The following SHISA9 variants were observed in gnomAD, a reference collection of about 807,000 sequenced individuals.
The protein encoded by SHISA9 is shisa family member 9.
In SHISA9, 13 loss-of-function variants were observed where a neutral mutation model predicts 38.0. That is an observed-to-expected ratio of 0.34 (90% CI 0.22 to 0.54). The LOEUF (loss-of-function observed/expected upper bound fraction) is 0.54, where lower values mean the gene tolerates loss of function less well. Ranked by LOEUF, SHISA9 falls within the 20% of genes least tolerant of loss-of-function variation. SHISA9 has a pLI of 0.91. For missense variants in SHISA9, 538 were observed against 575.8 expected, an observed-to-expected ratio of 0.93 and a Z score of 0.67; for synonymous variants, 275 against 242.0, an observed-to-expected ratio of 1.14 and a Z score of -1.27.
the SHISA9 span, among the ~76,000 whole-genome samples, chr16:13,403,696 C>A: frequency 6.6e-6 from 1 of 152,182 alleles, no homozygotes; most frequent in East Asian, 1.9e-4. Context: ...AAATCATCTT[C>A]TGAGTAGGTT....
the SHISA9 span, among the ~76,000 whole-genome samples, chr16:13,407,158 G>T: frequency 1.3e-5 from 2 of 151,578 alleles, no homozygotes; most frequent in Non-Finnish European, 2.9e-5. Context: ...CATAGACTGG[G>T]TGGCTTATCA....
intron 2 of SHISA9, among the ~76,000 whole-genome samples, chr16:13,091,888 T>G (rs2073778829): frequency 6.6e-6 from 1 of 152,150 alleles, no homozygotes; most frequent in Non-Finnish European, 1.5e-5. Flanking sequence ...GGCGCTCTGG[T>G]TTTTAGAATT....
chr16:13,285,477 T>G, the SHISA9 span, among the ~76,000 whole-genome samples: 15 of 149,594 alleles, frequency 1.0e-4, no homozygotes, highest in Admixed American at 7.3e-4. Context: ...TTTTTTTTTT[T>G]TTTTTTTTTT....
chr16:13,045,621 AGAGGGAGAGG>A (rs1567193840), intron 2 of SHISA9, among the ~76,000 whole-genome samples: 12 of 151,734 alleles, frequency 7.9e-5, no homozygotes, highest in Non-Finnish European at 1.5e-4. Flanking sequence ...AGGGAGAGGG[AGAGGGAGAGG>A]GAGAGGGAGA....
chr16:12,915,790 G>T (rs2071245621), intron 1 of SHISA9, among the ~76,000 whole-genome samples: 1 of 152,196 alleles, frequency 6.6e-6, no homozygotes, highest in African/African-American at 2.4e-5. Flanking sequence ...ATGAGGTTTA[G>T]GGTAAAAACA....
At chr16:13,136,277 T>C (rs1337642629) in intron 2 of SHISA9, among the ~76,000 whole-genome samples, 1 of 152,050 alleles carries the variant, frequency 6.6e-6, no homozygotes, top group Non-Finnish European at 1.5e-5. Context: ...GAGGATTAAA[T>C]GAACTATTTT....
intron 2 of SHISA9, among the ~76,000 whole-genome samples, chr16:13,031,076 G>A (rs2072985413): frequency 6.6e-6 from 1 of 152,138 alleles, no homozygotes; most frequent in African/African-American, 2.4e-5. Context: ...TGGTGAGGGG[G>A]CTGCTGTAAG....
At chr16:13,444,530 C>T in the SHISA9 span, among the ~76,000 whole-genome samples, 1 of 152,088 alleles carries the variant, frequency 6.6e-6, no homozygotes, top group East Asian at 1.9e-4. Context: ...TTTTCCAGCA[C>T]GTTCTATTGT....
the SHISA9 span, among the ~76,000 whole-genome samples, chr16:13,451,720 A>T: frequency 6.6e-6 from 1 of 152,236 alleles, no homozygotes; most frequent in Non-Finnish European, 1.5e-5. Context: ...GGACAGCATA[A>T]TGATAACAGA....
intron 2 of SHISA9, among the ~76,000 whole-genome samples, chr16:13,032,259 G>A (rs920221896): frequency 2.0e-5 from 3 of 152,174 alleles, no homozygotes; most frequent in Admixed American, 1.3e-4. Context: ...CCACTTATGA[G>A]TGAGAACATG....
chr16:13,523,178 T>C, the SHISA9 span, among the ~76,000 whole-genome samples: 3 of 151,950 alleles, frequency 2.0e-5, no homozygotes, highest in Non-Finnish European at 4.4e-5. Context: ...TGAAACCCGA[T>C]CTCTACTAAA....
At chr16:13,405,897 C>A in the SHISA9 span, among the ~76,000 whole-genome samples, 1 of 148,634 alleles carries the variant, frequency 6.7e-6, no homozygotes, top group South Asian at 2.1e-4. Context: ...AGATTGATTC[C>A]ATGTCTTTGC....
At chr16:13,335,119 A>G in the SHISA9 span, among the ~76,000 whole-genome samples, 5 of 152,194 alleles carry the variant, frequency 3.3e-5, no homozygotes, top group South Asian at 6.2e-4. Context: ...TCATTCATCC[A>G]TTGGCTGGTC....
At chr16:13,114,734 T>G (rs2074014082) in intron 2 of SHISA9, among the ~76,000 whole-genome samples, 1 of 152,174 alleles carries the variant, frequency 6.6e-6, no homozygotes, top group South Asian at 2.1e-4. Flanking sequence ...TAATTCCTAG[T>G]CTCTTAACTT....
intron 2 of SHISA9, among the ~76,000 whole-genome samples, chr16:13,044,574 C>T (rs536067798): frequency 6.6e-6 from 1 of 152,270 alleles, no homozygotes; most frequent in East Asian, 1.9e-4. Flanking sequence ...CAAAAAGAAT[C>T]TTCAACAGAA....
chr16:13,023,241 T>C (rs2141868595), intron 2 of SHISA9, among the ~76,000 whole-genome samples: 1 of 152,286 alleles, frequency 6.6e-6, no homozygotes, highest in Admixed American at 6.5e-5. Context: ...CATTGTTCAA[T>C]TCCCACCTAT....
At chr16:13,491,250 C>T in the SHISA9 span, among the ~76,000 whole-genome samples, 9 of 152,022 alleles carry the variant, frequency 5.9e-5, no homozygotes, top group Non-Finnish European at 1.0e-4. Context: ...GTGATAATGA[C>T]GATGACGATG....
At chr16:13,300,399 G>T in the SHISA9 span, among the ~76,000 whole-genome samples, 4 of 152,018 alleles carry the variant, frequency 2.6e-5, no homozygotes, top group African/African-American at 9.7e-5. Context: ...TCATCCAGGT[G>T]GGCCCTCCTG....
rs1567183969 is a variant in SHISA9, at chr16:13,019,865, TCCCTCCCTCCCTCCCTCCC to T, written c.691+103051_691+103069del. On this transcript the variant is annotated intron_variant, in intron 2 of 4. Transcript: ENST00000558583. The stretch of plus-strand genomic sequence containing the variant: ...TTCCTTCCCTCCCTCCCTCCCTCCC[TCCCTCCCTCCCTCCCTCCC>T]TTCTTTCTTTCTTTCTTTCTTTCTT... 1.7e-3 allele frequency among the ~76,000 whole-genome samples: 58 copies of T among 33,354 alleles called. 1 individual carries two copies. The highest frequency in any genetic ancestry group is 7.3e-3 in the African/African-American group (51 of 7,014). The allele number at this position is 33,354 out of a possible 152,430, so 21.9% of individuals were successfully genotyped here.
Sources: gnomAD v4.1 joint callset for allele counts (sites outside exome capture counted in the v4.1 genomes callset) on GRCh38, gnomAD v4.1.1 for gene constraint, MANE v1.5 for transcripts, NCBI Gene and HGNC (gene_info 2026-07-23, HGNC 2026-07-21) for gene names.